Variants in ASIC4 observed in about 807,000 individuals in gnomAD.
ASIC4 encodes the protein acid sensing ion channel subunit family member 4.
In ASIC4, 28 loss-of-function variants were observed where a neutral mutation model predicts 53.4. The observed-to-expected ratio is 0.52, with a 90% confidence interval of 0.39 to 0.72. The LOEUF (loss-of-function observed/expected upper bound fraction) is 0.72. Among genes scored for constraint, ASIC4 ranks in the 30% least tolerant of loss-of-function variants. ASIC4 has a pLI of 0.00. For synonymous variants in ASIC4, 289 were observed against 301.4 expected, an observed-to-expected ratio of 0.96 and a Z score of 0.43; for missense variants, 649 against 729.7, an observed-to-expected ratio of 0.89 and a Z score of 1.27.
At position 219,517,462 on chromosome 2, in the gene ASIC4, T is replaced by C. The variant is rs1195275577; in HGVS notation, c.582+2156T>C. The stretch of plus-strand genomic sequence containing the variant: ...AGGAATTCCCCTTTGGGATTTCCAT[T>C]TCCCCTGTCTCCAGCCCAGCCTCCT... On this transcript the variant is annotated intron_variant, in intron 1 of 9. Coordinates refer to ENST00000358078, the MANE Select transcript of ASIC4 (RefSeq NM_018674.6). This position sits in a 1 kb window ranked among gnomAD's most constrained non-coding sequence, Gnocchi z 4.2. 6.6e-6 allele frequency among the ~76,000 whole-genome samples: 1 copy of C among 152,142 alleles called. No individual in the cohort carries two copies. Among genetic ancestry groups the C allele is most frequent in the Non-Finnish European group, 1.5e-5 (1 of 68,006 alleles).
In ASIC4 at chr2:219,531,762, A is replaced by G. The variant is rs1695044750; in HGVS notation, c.587A>G (p.Tyr196Cys). The G allele has an allele frequency of 1.3e-6, 2 of 1,594,782 alleles. No individual in the cohort carries two copies. The highest frequency in any genetic ancestry group is 1.7e-6 in the Non-Finnish European group (2 of 1,170,570). The change falls in exon 2 of 10, where the codon TAT becomes TGT. Residue 196 changes from tyrosine to cysteine, a missense_variant. Physicochemically the swap from Tyr to Cys is radical, Grantham distance 194. Transcript: ENST00000358078. ...HCSASNFSVVYTRYGKCYTFN... is the reference protein window; with the variant it reads ...HCSASNFSVVCTRYGKCYTFN... ...CTCTCTCACCCCACCTCCCAGGTCT[A>G]TACTCGCTATGGGAAGTGTTACACC...
upstream of ASIC4, among the ~76,000 whole-genome samples, chr2:219,509,517 C>T (rs530451316): frequency 6.6e-6 from 1 of 152,296 alleles, no homozygotes; most frequent in Non-Finnish European, 1.5e-5. The surrounding 1 kb of genome is among the most constrained non-coding windows in gnomAD (Gnocchi z 5.2). Context: ...CCCCCGCTCC[C>T]CTTCCCCAGC....
At position 219,537,889 on chromosome 2, in the gene ASIC4, C is replaced by T; in HGVS notation, c.1507-44C>T. 1.3e-6 allele frequency: 2 copies of T among 1,533,208 alleles called. No homozygotes were observed. The highest frequency in any genetic ancestry group is 8.9e-7 in the Non-Finnish European group (1 of 1,125,510). 95.0% of individuals were successfully genotyped at this position (1,533,208 alleles called of 1,614,324 possible). ...GGCGGTGTGAGCCCTGGGGGCACCA[C>T]TTGAGCTCTCCCGGTCCCACTCTCT... is the stretch of plus-strand genomic sequence containing the variant. On this transcript the variant is annotated intron_variant, in intron 9 of 9. Coordinates refer to ENST00000358078, the MANE Select transcript of ASIC4 (RefSeq NM_018674.6). This position sits in a 1 kb window ranked among gnomAD's most constrained non-coding sequence, Gnocchi z 4.9.
intron 6 of ASIC4, among the ~76,000 whole-genome samples, chr2:219,535,885 C>T (rs1315078665): frequency 6.6e-6 from 1 of 151,328 alleles, no homozygotes; most frequent in Non-Finnish European, 1.5e-5. Flanking sequence ...CGATTCTTCT[C>T]CCTCAGCCTC....
intron 5 of ASIC4, 97 bp downstream of exon 5, chr2:219,533,036 T>G: frequency 7.5e-7 from 1 of 1,326,820 alleles, no homozygotes; most frequent in Non-Finnish European, 1.1e-6. Flanking sequence ...TCCCAATCTC[T>G]TCCTGGAGGG....
rs1465871031 is a variant in ASIC4, at chr2:219,535,196, C to T, written c.1101C>T (p.Gly367=). 10 of 1,613,652 alleles carry T rather than the reference C, an allele frequency of 6.2e-6. No individual in the cohort carries two copies. In the Admixed American group the frequency reaches 1.5e-4, roughly 24 times the overall value. The change falls in exon 6 of 10, where the codon GGC becomes GGT. Residue 367 remains glycine, a synonymous_variant. Transcript: ENST00000358078. The part of the protein sequence containing the change: ...TLDSLGGGPE[G]PCFCPTPCNL... ...ACTCCCTGGGTGGGGGCCCTGAGGG[C>T]CCGTGCTTCTGCCCCACCCCCTGCA... is the stretch of plus-strand genomic sequence containing the variant.
chr2:219,517,605 G>A lies in ASIC4; in HGVS notation c.582+2299G>A, dbSNP rs1331085886. Reference sequence around the variant, plus strand: ...GGTCTGGAATTACAGATTGGGCTGGGGGCCCATGATCCATGGTAGTGGGGA... The same window carrying A: ...GGTCTGGAATTACAGATTGGGCTGGAGGCCCATGATCCATGGTAGTGGGGA... On this transcript the variant is annotated intron_variant, in intron 1 of 9. Coordinates refer to ENST00000358078, the MANE Select transcript of ASIC4 (RefSeq NM_018674.6). This position sits in a 1 kb window ranked among gnomAD's most constrained non-coding sequence, Gnocchi z 4.2. Among the ~76,000 whole-genome samples the A allele has an allele frequency of 6.6e-6, 1 of 152,200 alleles. No individual in the cohort carries two copies. Among genetic ancestry groups the A allele is most frequent in the African/African-American group, 2.4e-5 (1 of 41,442 alleles).
Position 219,537,689 on chromosome 2 carries a change from T to G in ASIC4, c.1459T>G (p.Ser487Ala), listed in dbSNP as rs1695166940. Reference protein sequence around the residue: ...WRRPKTPLRTSTGGISTLGLQ... With the variant: ...WRRPKTPLRTATGGISTLGLQ... ...GCGTCCCAAGACCCCCCTGCGGACCTCCACTGGGGGCATCTCCACTTTGGG... is the reference window on the plus strand; with the variant it reads ...GCGTCCCAAGACCCCCCTGCGGACCGCCACTGGGGGCATCTCCACTTTGGG... The change falls in exon 9 of 10, where the codon TCC becomes GCC. Residue 487 changes from serine (S) to alanine (A), a missense_variant. By Grantham distance (99) the Ser-to-Ala change is moderately conservative (BLOSUM62 1). Transcript: ENST00000358078. This position sits in a 1 kb window ranked among gnomAD's most constrained non-coding sequence, Gnocchi z 4.9. The G allele has an allele frequency of 6.2e-7, 1 of 1,613,916 alleles. No individual in the cohort carries two copies. Among genetic ancestry groups the G allele is most frequent in the Non-Finnish European group, 8.5e-7 (1 of 1,179,970 alleles).
At chr2:219,527,295 C>T (rs1258883977) in intron 1 of ASIC4, among the ~76,000 whole-genome samples, 4 of 152,258 alleles carry the variant, frequency 2.6e-5, no homozygotes, top group Non-Finnish European at 5.9e-5. Flanking sequence ...CCTCCTCCTG[C>T]CAGTCTGGCC....
upstream of ASIC4, among the ~76,000 whole-genome samples, chr2:219,513,474 C>A (rs1409589524): frequency 6.6e-6 from 1 of 152,126 alleles, no homozygotes; most frequent in South Asian, 2.1e-4. Flanking sequence ...TGCCAGGCAC[C>A]CCTCAAACCC....
At chr2:219,514,476 ACGAT>A (rs766734198), upstream of ASIC4, 52 of 1,550,318 alleles carry the variant, frequency 3.4e-5, 1 homozygote, top group Non-Finnish European at 5.2e-6. Flanking sequence ...CCACAAGGAG[ACGAT>A]CGAGGAGAGA....
intron 5 of ASIC4, 109 bp from the exon 6 acceptor site, chr2:219,535,062 T>C (rs921601350): frequency 3.4e-6 from 5 of 1,462,214 alleles, no homozygotes; most frequent in Non-Finnish European, 9.2e-7. Flanking sequence ...AGGCCCTCAG[T>C]GTGGGTGTGC....
At chr2:219,523,090 CTCTT>C (rs1392970365) in intron 1 of ASIC4, among the ~76,000 whole-genome samples, 3 of 151,602 alleles carry the variant, frequency 2.0e-5, no homozygotes, top group Admixed American at 6.6e-5. Context: ...TCCCCGCCGC[CTCTT>C]TCTGTCTTGT....
chr2:219,508,776 G>A, the ASIC4 span, among the ~76,000 whole-genome samples: 1 of 139,732 alleles, frequency 7.2e-6, no homozygotes, highest in Admixed American at 7.0e-5. Flanking sequence ...GTCTGGGAAG[G>A]GAGAAACAAG....
chr2:219,519,783 T>C (rs1382130700), intron 1 of ASIC4, among the ~76,000 whole-genome samples: 2 of 151,970 alleles, frequency 1.3e-5, no homozygotes, highest in Non-Finnish European at 2.9e-5. Flanking sequence ...GGATTACAAC[T>C]GGGACCACAG....
chr2:219,528,551 G>A (rs1026636952), intron 1 of ASIC4, among the ~76,000 whole-genome samples: 1 of 148,624 alleles, frequency 6.7e-6, no homozygotes, highest in Non-Finnish European at 1.5e-5. Context: ...TGTTGTTGTT[G>A]TTTTTTGAGA....
At position 219,536,867 on chromosome 2, in the gene ASIC4, G is replaced by C. The variant is rs12473476; in HGVS notation, c.1230-199G>C. Among the ~76,000 whole-genome samples the C allele has an allele frequency of 6.6e-6, 1 of 152,138 alleles. No homozygotes were observed. Among genetic ancestry groups the C allele is most frequent in the Non-Finnish European group, 1.5e-5 (1 of 68,028 alleles). On this transcript the variant is annotated intron_variant, in intron 6 of 9. Coordinates refer to ENST00000358078, the MANE Select transcript of ASIC4 (RefSeq NM_018674.6). The surrounding 1 kb of genome is among the most constrained non-coding windows in gnomAD (Gnocchi z 4.6). ...CCAGGAGTTGTGTTTTGCTCTCCCA[G>C]GCCCTTTGCTACCCCTCAAAAGATG...
chr2:219,529,683 T>C (rs748652096), intron 1 of ASIC4, among the ~76,000 whole-genome samples: 12 of 152,182 alleles, frequency 7.9e-5, no homozygotes, highest in Admixed American at 3.3e-4. Flanking sequence ...GTCACTTCAC[T>C]TCTCTGAGCT....
rs1204442975 is a variant in ASIC4, at chr2:219,535,547, TGA to T, written c.1229+225_1229+226del. On this transcript the variant is annotated intron_variant, in intron 6 of 9. Transcript: ENST00000358078. ...CATGTATGTGTGTCTTGTGGGTGTG[TGA>T]GTGTGTGATGTGTGTGTGCATGCAC... Among the ~76,000 whole-genome samples the T allele has an allele frequency of 8.3e-4, 79 of 95,504 alleles. No individual in the cohort carries two copies. The Middle Eastern group carries it at 0.015, about 18-fold the overall frequency. 62.7% of individuals were successfully genotyped at this position (95,504 alleles called of 152,430 possible).
Sources: allele counts gnomAD v4.1 joint callset (sites outside exome capture counted in the v4.1 genomes callset), GRCh38; gene constraint gnomAD v4.1.1; non-coding constraint Gnocchi (gnomAD v3.1); transcripts MANE v1.5; gene names NCBI Gene and HGNC (gene_info 2026-07-23, HGNC 2026-07-21).